Variants in IPO4 observed in about 807,000 individuals in gnomAD.
IPO4 encodes importin 4.
Under a neutral mutation model 133.5 loss-of-function variants are expected in IPO4, and 91 were observed. The ratio of observed to expected loss-of-function variants is 0.68; its 90% confidence interval spans 0.58 to 0.81. The LOEUF (loss-of-function observed/expected upper bound fraction) is 0.81. Among genes scored for constraint, IPO4 ranks in the 30% least tolerant of loss-of-function variants. The pLI is 0.00. For missense variants in IPO4, 1,279 were observed against 1,386.2 expected (o/e 0.92, Z 1.23); for synonymous variants, 607 against 581.6 (o/e 1.04, Z -0.63).
chr14:24,187,396 TCAC>T lies in IPO4; in HGVS notation c.588+1_588+3del, dbSNP rs748614506. ...GTCAAAGATAACGAGGGCCCACATCTCACCACATCTTCAGTGCTGAGGTAGGGA... is the reference window on the plus strand; with the variant it reads ...GTCAAAGATAACGAGGGCCCACATCTCACATCTTCAGTGCTGAGGTAGGGA... On this transcript the variant is annotated splice_donor_variant and splice_donor_region_variant and intron_variant, in intron 6 of 29. Coordinates refer to ENST00000354464, the MANE Select transcript of IPO4 (RefSeq NM_024658.4). LOFTEE classifies it high-confidence loss of function. 1.2e-6 allele frequency: 2 copies of T among 1,613,868 alleles called. No homozygotes were observed. The highest frequency in any genetic ancestry group is 1.7e-6 in the Non-Finnish European group (2 of 1,179,854).
chr14:24,185,456 C>T lies in IPO4; in HGVS notation c.1278+3G>A. 1.2e-6 allele frequency: 2 copies of T among 1,613,914 alleles called. No homozygotes were observed. Among genetic ancestry groups the T allele is most frequent in the East Asian group, 2.2e-5 (1 of 44,882 alleles). On this transcript the variant is annotated splice_donor_region_variant and intron_variant, in intron 13 of 29. Transcript: ENST00000354464. ...GGTGGCTCCCACATTCAGCCTGGTT[C>T]ACCTGTAGGTTTTCTGAGAACTGGC...
At chr14:24,187,334 T>A in intron 6 of IPO4, 66 bp downstream of exon 6, 14 of 1,574,336 alleles carry the variant, frequency 8.9e-6, no homozygotes, top group Non-Finnish European at 1.2e-5. Flanking sequence ...GCTTTGTAAC[T>A]TTTACGGGTG....
chr14:24,184,517 T>C lies in IPO4; in HGVS notation c.1637-99A>G, dbSNP rs1427094608. On this transcript the variant is annotated intron_variant, in intron 16 of 29. Transcript: ENST00000354464. ...GATTCAGAAATCCCGCCCCACCCCT[T>C]GGTACAGCATGAAGCACACCCCTTT... 23 of 1,477,644 alleles carry C rather than the reference T, an allele frequency of 1.6e-5. No homozygotes were observed. The East Asian group carries it at 4.9e-4, about 32-fold the overall frequency. 91.5% of individuals were successfully genotyped at this position (1,477,644 alleles called of 1,614,324 possible).
rs763704782 is a variant in IPO4 at position 24,182,772 on chromosome 14, T to C, written c.2472+20A>G. On this transcript the variant is annotated intron_variant, in intron 24 of 29. Coordinates refer to ENST00000354464, the MANE Select transcript of IPO4 (RefSeq NM_024658.4). ...GACTGCCTGGACCGCCTGGTCCCCGTTTTTATCCCTGGCTCTCACCTGATC... is the reference window on the plus strand; with the variant it reads ...GACTGCCTGGACCGCCTGGTCCCCGCTTTTATCCCTGGCTCTCACCTGATC... 5.0e-6 allele frequency: 8 copies of C among 1,613,896 alleles called. No homozygotes were observed. The highest frequency in any genetic ancestry group is 1.1e-5 in the South Asian group (1 of 91,068).
rs767082261 is a variant in IPO4 at position 24,187,749 on chromosome 14, C to A, written c.326G>T (p.Arg109Leu). The change falls in exon 5 of 30, where the codon CGA becomes CTA. Residue 109 changes from arginine to leucine, a missense_variant. Physicochemically the swap from Arg to Leu is moderately radical, Grantham distance 102. Transcript: ENST00000354464. Reference protein sequence around the residue: ...SLAQLSATIFRKEGLEAWPQL... With the variant: ...SLAQLSATIFLKEGLEAWPQL... ...TGGCCAGGCCTCCAAGCCTTCCTTT[C>A]GAAAAATGGTGGCTGAGAGCTGGGC... 8 of 1,614,050 alleles carry A rather than the reference C, an allele frequency of 5.0e-6. No individual in the cohort carries two copies. Among genetic ancestry groups the A allele is most frequent in the African/African-American group, 4.0e-5 (3 of 74,924 alleles).
chr14:24,185,055 C>T, intron 14 of IPO4, 75 bp from the exon 15 acceptor site: 3 of 1,591,488 alleles, frequency 1.9e-6, no homozygotes, highest in Non-Finnish European at 2.6e-6. Flanking sequence ...CAGGCGGAAA[C>T]CTTTTTTTGG....
chr14:24,186,673 G>T, intron 9 of IPO4, 35 bp downstream of exon 9: 1 of 1,563,098 alleles, frequency 6.4e-7, no homozygotes, highest in Non-Finnish European at 8.8e-7. Flanking sequence ...TGGAGATGGG[G>T]GTGGGGTGAT....
At position 24,188,545 on chromosome 14, in the gene IPO4, G is replaced by T; in HGVS notation, c.156+7C>A. ...GGAAGCTCGGAGGGGAGAGTCAGGGGTCTCACCTGGGGGTCGGCCGCCGAG... is the reference window on the plus strand; with the variant it reads ...GGAAGCTCGGAGGGGAGAGTCAGGGTTCTCACCTGGGGGTCGGCCGCCGAG... On this transcript the variant is annotated splice_region_variant and intron_variant, in intron 2 of 29. Transcript: ENST00000354464. 12 of 1,611,226 alleles carry T rather than the reference G, an allele frequency of 7.4e-6. No individual in the cohort carries two copies. The highest frequency in any genetic ancestry group is 1.3e-5 in the African/African-American group (1 of 75,024).
Position 24,188,398 on chromosome 14 carries a change from G to A in IPO4, c.182C>T (p.Thr61Ile). ...PQIRQFAAVL[T>I]RRRLNTRWRR... ...CCAGCGGGTGTTCAGTCGTCTGCGG[G>A]TCAGCACGGCCGCAAACTGGCGGAT... The change falls in exon 3 of 30, where the codon ACC becomes ATC. Residue 61 changes from threonine (T) to isoleucine (I), a missense_variant. Coordinates refer to ENST00000354464, the MANE Select transcript of IPO4 (RefSeq NM_024658.4). 2 of 1,612,420 alleles carry A rather than the reference G, an allele frequency of 1.2e-6. No homozygotes were observed. Among genetic ancestry groups the A allele is most frequent in the South Asian group, 1.1e-5 (1 of 91,076 alleles).
intron 23 of IPO4, 61 bp from the exon 24 acceptor site, chr14:24,182,903 G>GT: frequency 6.2e-7 from 1 of 1,613,098 alleles, no homozygotes; most frequent in East Asian, 2.2e-5. Flanking sequence ...ATGGGGGTAG[G>GT]GGGTGGACTT....
In IPO4 at chr14:24,187,486, G is replaced by A. The variant is rs1176704959; in HGVS notation, c.502C>T (p.Leu168Phe). ...AGCCCAGGAGAGCCCACCTCACCAA[G>A]AGTCTCATTCAGAAGCCGAAGAAGC... is the stretch of plus-strand genomic sequence containing the variant. ...RELLRLLNET[L>F]GEVGSPGLLF... Residue 168 changes from leucine to phenylalanine, a missense_variant, in exon 6 of 30, where the codon CTT (leucine) becomes TTT (phenylalanine). Coordinates refer to ENST00000354464, the MANE Select transcript of IPO4 (RefSeq NM_024658.4). The A allele has an allele frequency of 5.6e-6, 9 of 1,614,184 alleles. No individual in the cohort carries two copies. Among genetic ancestry groups the A allele is most frequent in the Admixed American group, 3.3e-5 (2 of 60,030 alleles).
chr14:24,180,410 C>A lies in IPO4; in HGVS notation c.*32G>T. On this transcript the variant is annotated 3_prime_UTR_variant, in exon 30 of 30. Coordinates refer to ENST00000354464, the MANE Select transcript of IPO4 (RefSeq NM_024658.4). Reference sequence around the variant, plus strand: ...GGTGGTCTTAAGGCCTGGGCAGGCTCTATTCTCTCTGGACTGGCTGCAGCC... The same window carrying A: ...GGTGGTCTTAAGGCCTGGGCAGGCTATATTCTCTCTGGACTGGCTGCAGCC... The A allele has an allele frequency of 6.3e-7, 1 of 1,595,232 alleles. No homozygotes were observed. The highest frequency in any genetic ancestry group is 1.3e-5 in the African/African-American group (1 of 74,744).
In IPO4 at chr14:24,187,744, C is replaced by T; in HGVS notation, c.331G>A (p.Glu111Lys). 6.2e-7 allele frequency: 1 copy of T among 1,614,184 alleles called. No homozygotes were observed. The highest frequency in any genetic ancestry group is 1.7e-5 in the Admixed American group (1 of 60,018). ...AGCTGTGGCCAGGCCTCCAAGCCTT[C>T]CTTTCGAAAAATGGTGGCTGAGAGC... Reference protein sequence around the residue: ...AQLSATIFRKEGLEAWPQLLQ... With the variant: ...AQLSATIFRKKGLEAWPQLLQ... Residue 111 changes from glutamate (E) to lysine (K), a missense_variant, in exon 5 of 30, where the codon GAA (glutamate) becomes AAA (lysine). By Grantham distance (56) the Glu-to-Lys change is moderately conservative (BLOSUM62 1). Around this residue, in one of 3 missense-constraint regions of IPO4, gnomAD observed 695 missense variants for 704.1 expected, o/e 0.99. Coordinates refer to ENST00000354464, the MANE Select transcript of IPO4 (RefSeq NM_024658.4).
At position 24,182,826 on chromosome 14, in the gene IPO4, G is replaced by C; in HGVS notation, c.2438C>G (p.Thr813Ser). Reference protein sequence around the residue: ...VLQRKTACQDTDEEEEEEDDD... With the variant: ...VLQRKTACQDSDEEEEEEDDD... The stretch of plus-strand genomic sequence containing the variant: ...ATCTTCCTCTTCCTCCTCCTCGTCA[G>C]TATCCTGACAGGCTGTCTACAAGAA... The change falls in exon 24 of 30, where the codon ACT (threonine) becomes AGT (serine). Residue 813 changes from threonine (T) to serine (S), a missense_variant. Transcript: ENST00000354464. The C allele has an allele frequency of 6.2e-7, 1 of 1,614,156 alleles. No homozygotes were observed. Among genetic ancestry groups the C allele is most frequent in the Non-Finnish European group, 8.5e-7 (1 of 1,180,016 alleles).
chr14:24,186,350 A>G lies in IPO4; in HGVS notation c.942T>C (p.Asp314=), dbSNP rs781748119. The G allele has an allele frequency of 2.5e-6, 4 of 1,613,118 alleles. No homozygotes were observed. The highest frequency in any genetic ancestry group is 8.5e-7 in the Non-Finnish European group (1 of 1,179,588). ...PPGQLDPEDQ[D]SEEEELEIEL... ...CAATCTCCAACTCTTCCTCTTCTGA[A>G]TCCTGGTCCTCGGGATCCAACTGGC... Residue 314 remains aspartate, a synonymous_variant, in exon 10 of 30, where the codon GAT becomes GAC. Coordinates refer to ENST00000354464, the MANE Select transcript of IPO4 (RefSeq NM_024658.4).
rs762315316 is a variant in IPO4 at position 24,188,283 on chromosome 14, G to C, written c.237-26C>G. On this transcript the variant is annotated intron_variant, in intron 3 of 29. Coordinates refer to ENST00000354464, the MANE Select transcript of IPO4 (RefSeq NM_024658.4). ...CTGGAACACAGGTGGCAGGTGTTTGGTACCCAGCCTGCCCAAGAAAAGTCT... is the reference window on the plus strand; with the variant it reads ...CTGGAACACAGGTGGCAGGTGTTTGCTACCCAGCCTGCCCAAGAAAAGTCT... The C allele has an allele frequency of 5.0e-6, 8 of 1,613,062 alleles. 1 individual carries two copies. The highest frequency in any genetic ancestry group is 1.3e-5 in the African/African-American group (1 of 75,024).
chr14:24,181,913 C>T, intron 26 of IPO4, 42 bp downstream of exon 26: 1 of 1,607,352 alleles, frequency 6.2e-7, no homozygotes. Flanking sequence ...TGGGGACACT[C>T]CCCCAACCTC....
chr14:24,185,886 C>T lies in IPO4; in HGVS notation c.1144G>A (p.Gly382Arg), dbSNP rs372821762. 1.9e-5 allele frequency: 31 copies of T among 1,613,860 alleles called. 1 individual carries two copies. The highest frequency in any genetic ancestry group is 3.3e-5 in the Admixed American group (2 of 60,020). Residue 382 changes from glycine to arginine, a missense_variant, in exon 12 of 30, where the codon GGA becomes AGA. By Grantham distance (125) the Gly-to-Arg change is moderately radical. Around this residue, in one of 3 missense-constraint regions of IPO4, gnomAD observed 695 missense variants for 704.1 expected, o/e 0.99. Transcript: ENST00000354464. ...GLLVLAVLSDGAGDHIRQRLL... is the reference protein window; with the variant it reads ...GLLVLAVLSDRAGDHIRQRLL... ...CTCTGCCTGATGTGGTCGCCAGCTC[C>T]GTCAGACAGCACGGCCAGCACCAGG...
chr14:24,188,287 C>A, intron 3 of IPO4, 30 bp from the exon 4 acceptor site: 1 of 1,612,998 alleles, frequency 6.2e-7, no homozygotes, highest in Non-Finnish European at 8.5e-7. Flanking sequence ...TGTTTGGTAC[C>A]CAGCCTGCCC....
Sources: gnomAD v4.1 joint callset for allele counts on GRCh38, gnomAD v4.1.1 for gene constraint, gnomAD v4.1.1 regional missense constraint, MANE v1.5 for transcripts, NCBI Gene and HGNC (gene_info 2026-07-23, HGNC 2026-07-21) for gene names.